SBF2: variants seen among roughly 807,000 people sequenced by gnomAD.
SBF2 encodes the protein myotubularin-related protein 13.
In SBF2, 112 loss-of-function variants were observed where a neutral mutation model predicts 225.2. That is an observed-to-expected ratio of 0.50 (90% confidence interval 0.43 to 0.58). SBF2 has a LOEUF of 0.58. Ranked by LOEUF, SBF2 falls within the 20% of genes least tolerant of loss-of-function variation. The pLI is 0.00. For missense variants in SBF2, 1,996 were observed against 2,206.2 expected, an observed-to-expected ratio of 0.90 and a Z score of 1.91; for synonymous variants, 763 against 773.3, an observed-to-expected ratio of 0.99 and a Z score of 0.22.
intron 2 of SBF2, among the ~76,000 whole-genome samples, chr11:10,113,894 T>C (rs533228065): frequency 5.0e-4 from 76 of 152,274 alleles, no homozygotes; most frequent in African/African-American, 1.7e-3. Context: ...AAATTTGTAA[T>C]TCTTTGTTCA....
At chr11:10,122,269 T>C (rs1413902954) in intron 2 of SBF2, among the ~76,000 whole-genome samples, 1 of 152,190 alleles carries the variant, frequency 6.6e-6, no homozygotes, top group Non-Finnish European at 1.5e-5. Context: ...AAGTGTTTAG[T>C]TAAGATGAAA....
chr11:9,919,177 T>C (rs1411979836), intron 16 of SBF2, among the ~76,000 whole-genome samples: 2 of 152,142 alleles, frequency 1.3e-5, no homozygotes. Flanking sequence ...TATACCACTA[T>C]TGTTAGAATA....
rs564857402 is a variant in SBF2, at chr11:10,202,836, T to C, written c.56-8849A>G. Among the ~76,000 whole-genome samples the C allele has an allele frequency of 2.6e-5, 4 of 152,136 alleles. No individual in the cohort carries two copies. In the East Asian group the frequency reaches 7.7e-4, roughly 29 times the overall value. On this transcript the variant is annotated intron_variant, in intron 1 of 39. Coordinates refer to ENST00000256190, the MANE Select transcript of SBF2 (RefSeq NM_030962.4). The stretch of plus-strand genomic sequence containing the variant: ...CATTACCTTAGGGACTTCTACCTCA[T>C]CCAAGGTGAAGTAACAAGGTCTGAA...
At chr11:9,822,180 G>A (rs1008543611) in intron 28 of SBF2, among the ~76,000 whole-genome samples, 4 of 151,428 alleles carry the variant, frequency 2.6e-5, no homozygotes, top group Non-Finnish European at 2.9e-5. Context: ...AAGACACTGA[G>A]AATTAAGAGG....
At chr11:9,978,787 G>A (rs11825114) in intron 13 of SBF2, among the ~76,000 whole-genome samples, 2,391 of 152,160 alleles carry the variant, frequency 0.016, 44 homozygotes, top group African/African-American at 0.042. Context: ...CTTGAGCCCA[G>A]GAGTTCCAGA....
intron 16 of SBF2, among the ~76,000 whole-genome samples, chr11:9,897,130 G>GA (rs2096823805): frequency 6.6e-6 from 1 of 152,180 alleles, no homozygotes; most frequent in Non-Finnish European, 1.5e-5. Context: ...TCTGTTGACA[G>GA]ATAAGTGAAT....
intron 38 of SBF2, 72 bp downstream of exon 38, chr11:9,784,279 A>C: frequency 5.6e-5 from 62 of 1,113,868 alleles, no homozygotes; most frequent in Middle Eastern, 2.0e-4. Flanking sequence ...TCTGTCTGCT[A>C]GAGCCACATA....
At chr11:10,095,858 T>A (rs202168696) in intron 2 of SBF2, among the ~76,000 whole-genome samples, 1 of 151,910 alleles carries the variant, frequency 6.6e-6, no homozygotes, top group Non-Finnish European at 1.5e-5. Context: ...ATGTCCCAAA[T>A]AAAACAGCCA....
At chr11:10,111,638 G>A (rs1952852347) in intron 2 of SBF2, among the ~76,000 whole-genome samples, 1 of 152,258 alleles carries the variant, frequency 6.6e-6, no homozygotes, top group Non-Finnish European at 1.5e-5. Context: ...CACTTTGGGA[G>A]ACGGAGGTGG....
At chr11:10,066,170 C>T (rs1036809177) in intron 2 of SBF2, among the ~76,000 whole-genome samples, 1 of 151,970 alleles carries the variant, frequency 6.6e-6, no homozygotes, top group East Asian at 1.9e-4. Context: ...AGCAATTCTA[C>T]CCAAACTCTT....
At chr11:9,876,167 G>T (rs917492727) in intron 17 of SBF2, among the ~76,000 whole-genome samples, 1 of 152,092 alleles carries the variant, frequency 6.6e-6, no homozygotes, top group Admixed American at 6.5e-5. Context: ...CGAGTTGAAT[G>T]CTCTGTGTAC....
rs374047896 is a variant in SBF2, at chr11:9,856,569, G to C, written c.2252C>G (p.Ala751Gly). Residue 751 changes from alanine (A) to glycine (G), a missense_variant, in exon 19 of 40, where the codon GCA becomes GGA. Physicochemically the swap from Ala to Gly is moderately conservative, Grantham distance 60. Transcript: ENST00000256190. ...AACTAGCAGGTTCACCATGAGGTTT[G>C]CAAAGTGAATGGCCTGACTAAAGAC... is the stretch of plus-strand genomic sequence containing the variant. ...STVFSQAIHF[A>G]NLMVNLLVPL... 4 of 1,614,000 alleles carry C rather than the reference G, an allele frequency of 2.5e-6. No homozygotes were observed. The highest frequency in any genetic ancestry group is 3.4e-6 in the Non-Finnish European group (4 of 1,180,034).
intron 16 of SBF2, among the ~76,000 whole-genome samples, chr11:9,951,420 G>A (rs531424268): frequency 9.2e-5 from 14 of 152,268 alleles, no homozygotes; most frequent in African/African-American, 3.1e-4. Context: ...AAGTTGGTGC[G>A]GTAGCAGAAT....
chr11:9,992,296 G>C, intron 12 of SBF2, 119 bp downstream of exon 12: 3 of 729,072 alleles, frequency 4.1e-6, no homozygotes, highest in Non-Finnish European at 4.2e-6. Context: ...AATAACATTG[G>C]GATTATTTAA....
At chr11:10,170,310 C>A (rs1408614648) in intron 2 of SBF2, among the ~76,000 whole-genome samples, 2 of 151,886 alleles carry the variant, frequency 1.3e-5, no homozygotes, top group Non-Finnish European at 2.9e-5. Flanking sequence ...TTTTTTATGG[C>A]GAGAAAGAGG....
intron 2 of SBF2, among the ~76,000 whole-genome samples, chr11:10,095,897 G>A (rs911621816): frequency 2.0e-5 from 3 of 152,164 alleles, no homozygotes; most frequent in Non-Finnish European, 4.4e-5. Flanking sequence ...GGGAAAAAAA[G>A]AAGTATGCTA....
At chr11:10,094,819 T>C (rs551637937) in intron 2 of SBF2, among the ~76,000 whole-genome samples, 44 of 151,942 alleles carry the variant, frequency 2.9e-4, no homozygotes, top group African/African-American at 9.9e-4. Context: ...TACATACAGA[T>C]TATATCTGTA....
intron 30 of SBF2, among the ~76,000 whole-genome samples, chr11:9,809,546 T>TG (rs1854053969): frequency 1.1e-5 from 1 of 94,984 alleles, no homozygotes; most frequent in Non-Finnish European, 2.7e-5. Flanking sequence ...TTTCAGACAT[T>TG]TTTTTTTTTT....
intron 22 of SBF2, among the ~76,000 whole-genome samples, chr11:9,849,164 T>C (rs1241785025): frequency 5.3e-5 from 8 of 152,152 alleles, no homozygotes; most frequent in Non-Finnish European, 1.2e-4. Context: ...GTTTGAGGGT[T>C]GGGCCCAGAA....
Sources: allele counts gnomAD v4.1 joint callset (sites outside exome capture counted in the v4.1 genomes callset), GRCh38; gene constraint gnomAD v4.1.1; transcripts MANE v1.5; gene names NCBI Gene and HGNC (gene_info 2026-07-23, HGNC 2026-07-21).